The following MYRIP variants were observed in gnomAD, a reference collection of about 807,000 sequenced individuals.
MYRIP encodes the protein myosin VIIA and Rab interacting protein.
MYRIP carries 49 observed loss-of-function variants against 98.0 expected under a neutral mutation model. The observed-to-expected ratio is 0.50, with a 90% CI of 0.40 to 0.63. The LOEUF is 0.63. Ranked by LOEUF, MYRIP falls within the 30% of genes least tolerant of loss-of-function variation. The pLI, the probability that MYRIP is intolerant of heterozygous loss-of-function variation, is 0.00. For missense variants in MYRIP, 1,004 were observed against 1,058.2 expected (o/e 0.95, Z 0.71); for synonymous variants, 404 against 409.5 (o/e 0.99, Z 0.16).
intron 3 of MYRIP, among the ~76,000 whole-genome samples, chr3:40,143,373 G>A (rs1346285301): frequency 6.6e-6 from 1 of 152,108 alleles, no homozygotes; most frequent in East Asian, 1.9e-4. Flanking sequence ...GGACCAGGGA[G>A]CAGTACACTT....
At chr3:39,860,573 G>A (rs1251194987) in intron 1 of MYRIP, among the ~76,000 whole-genome samples, 5 of 152,132 alleles carry the variant, frequency 3.3e-5, no homozygotes, top group African/African-American at 1.2e-4. Context: ...GCACCTTCTT[G>A]TGGTACATCC....
At chr3:40,083,183 A>G (rs1053839520) in intron 3 of MYRIP, among the ~76,000 whole-genome samples, 1 of 152,230 alleles carries the variant, frequency 6.6e-6, no homozygotes, top group Non-Finnish European at 1.5e-5. Context: ...TGTGGGGCTC[A>G]TGGCCTAGAG....
chr3:39,915,097 C>T (rs1363135452), intron 2 of MYRIP, among the ~76,000 whole-genome samples: 1 of 152,034 alleles, frequency 6.6e-6, no homozygotes, highest in Admixed American at 6.6e-5. Flanking sequence ...ATTATTCTAA[C>T]TCGAGGAACT....
In MYRIP at chr3:40,146,421, C is replaced by G. The variant is rs115915621; in HGVS notation, c.333-4627C>G. 4.7e-3 allele frequency among the ~76,000 whole-genome samples: 714 copies of G among 152,290 alleles called. 6 individuals carry two copies. The highest frequency in any genetic ancestry group is 0.016 in the African/African-American group (662 of 41,568). On this transcript the variant is annotated intron_variant, in intron 3 of 16. Transcript: ENST00000302541. Reference sequence around the variant, plus strand: ...TTGTATGTACTGAAAGACACATGTGCTCAGGAAAACCCATTTGTGGCTTTT... The same window carrying G: ...TTGTATGTACTGAAAGACACATGTGGTCAGGAAAACCCATTTGTGGCTTTT...
At position 39,849,926 on chromosome 3, in the gene MYRIP, T is replaced by A. The variant is rs62261648; in HGVS notation, c.-31+40010T>A. Among the ~76,000 whole-genome samples the A allele has an allele frequency of 2.1e-3, 316 of 152,314 alleles. 1 individual carries two copies. The highest frequency in any genetic ancestry group is 2.8e-3 in the Non-Finnish European group (192 of 68,030). ...CCTCCCTCTAACAAACTTAAATGAC[T>A]AAGAGACAACTTTAAAAGTTCGGAT... On this transcript the variant is annotated intron_variant, in intron 1 of 16. Coordinates refer to ENST00000302541, the MANE Select transcript of MYRIP (RefSeq NM_015460.4).
chr3:40,154,646 C>A (rs1250901709), intron 4 of MYRIP, among the ~76,000 whole-genome samples: 1 of 152,076 alleles, frequency 6.6e-6, no homozygotes, highest in East Asian at 1.9e-4. Flanking sequence ...CACCTATCAA[C>A]CCATCACCTA....
intron 2 of MYRIP, among the ~76,000 whole-genome samples, chr3:40,025,009 C>T (rs1189304046): frequency 6.6e-6 from 1 of 152,184 alleles, no homozygotes; most frequent in Non-Finnish European, 1.5e-5. Flanking sequence ...GCTGATATCC[C>T]TTCTTTGCCA....
chr3:40,048,905 A>T (rs1486227363), intron 3 of MYRIP, among the ~76,000 whole-genome samples: 1 of 152,078 alleles, frequency 6.6e-6, no homozygotes, highest in Admixed American at 6.6e-5. Context: ...TCCCTTTGTC[A>T]TTTTTTCATT....
intron 12 of MYRIP, chr3:40,238,626 A>C (rs1952894797): frequency 6.6e-6 from 1 of 152,254 alleles, no homozygotes; most frequent in African/African-American, 2.4e-5. Flanking sequence ...AGCTCTGCCC[A>C]GTTACACTAG....
intron 8 of MYRIP, among the ~76,000 whole-genome samples, chr3:40,177,698 G>T (rs1223265798): frequency 1.3e-5 from 2 of 152,188 alleles, no homozygotes; most frequent in Non-Finnish European, 2.9e-5. Context: ...GAAGGCACCA[G>T]TGTGGGTGTT....
chr3:40,044,238 A>C lies in MYRIP; in HGVS notation c.299A>C (p.Lys100Thr), dbSNP rs78333608. 6.2e-7 allele frequency: 1 copy of C among 1,614,174 alleles called. No individual in the cohort carries two copies. Among genetic ancestry groups the C allele is most frequent in the South Asian group, 1.1e-5 (1 of 91,084 alleles). Residue 100 changes from lysine to threonine, a missense_variant, in exon 3 of 17, where the codon AAG (lysine) becomes ACG (threonine). By Grantham distance (78) the Lys-to-Thr change is moderately conservative. Around this residue, in one of 3 missense-constraint regions of MYRIP, gnomAD observed 880 missense variants for 907.7 expected, o/e 0.97. Coordinates refer to ENST00000302541, the MANE Select transcript of MYRIP (RefSeq NM_015460.4). ...KSCCSYQKHEKAWVCCVCQQA... is the reference protein window; with the variant it reads ...KSCCSYQKHETAWVCCVCQQA... ...TGCTGCTCCTACCAGAAGCACGAAAAGGCCTGGGTCTGCTGCGTCTGCCAG... is the reference window on the plus strand; with the variant it reads ...TGCTGCTCCTACCAGAAGCACGAAACGGCCTGGGTCTGCTGCGTCTGCCAG...
chr3:39,980,717 C>T (rs2125758376), intron 2 of MYRIP, among the ~76,000 whole-genome samples: 1 of 152,276 alleles, frequency 6.6e-6, no homozygotes, highest in South Asian at 2.1e-4. Flanking sequence ...GTTACCTTTT[C>T]TATTTAAACA....
intron 11 of MYRIP, among the ~76,000 whole-genome samples, chr3:40,221,444 G>A (rs754509570): frequency 2.6e-5 from 4 of 152,088 alleles, no homozygotes; most frequent in Admixed American, 1.3e-4. Flanking sequence ...CAGCTTGGGC[G>A]ATGTAGCAAG....
At chr3:39,875,084 C>T (rs1429152751) in intron 1 of MYRIP, among the ~76,000 whole-genome samples, 3 of 152,092 alleles carry the variant, frequency 2.0e-5, no homozygotes, top group Non-Finnish European at 1.5e-5. Flanking sequence ...GTGTATGTGT[C>T]CAGGAATTTA....
chr3:39,824,619 T>C (rs960939363), intron 1 of MYRIP, among the ~76,000 whole-genome samples: 9 of 152,160 alleles, frequency 5.9e-5, no homozygotes, highest in African/African-American at 1.4e-4. Flanking sequence ...TTTTATTTTT[T>C]GTAGCCATTG....
chr3:40,060,987 AT>A (rs1216092103), intron 3 of MYRIP, among the ~76,000 whole-genome samples: 2 of 152,180 alleles, frequency 1.3e-5, no homozygotes, highest in African/African-American at 4.8e-5. Context: ...GGATATGCAT[AT>A]TGATGTTGTT....
chr3:39,977,396 C>T (rs1212912432), intron 2 of MYRIP, among the ~76,000 whole-genome samples: 1 of 152,148 alleles, frequency 6.6e-6, no homozygotes, highest in Non-Finnish European at 1.5e-5. Flanking sequence ...TCACATGCCC[C>T]CCAGTTGACG....
intron 2 of MYRIP, among the ~76,000 whole-genome samples, chr3:39,919,765 G>T (rs1157420605): frequency 2.0e-5 from 3 of 151,262 alleles, no homozygotes; most frequent in African/African-American, 7.3e-5. Flanking sequence ...ATTGATGACT[G>T]TATTTTTAAT....
At chr3:40,126,608 A>G (rs1949530662) in intron 3 of MYRIP, among the ~76,000 whole-genome samples, 1 of 152,228 alleles carries the variant, frequency 6.6e-6, no homozygotes, top group Non-Finnish European at 1.5e-5. Context: ...CGTCATTTGT[A>G]TCTGAGGAAA....
Sources: gnomAD v4.1 joint callset for allele counts (sites outside exome capture counted in the v4.1 genomes callset) on GRCh38, gnomAD v4.1.1 for gene constraint, gnomAD v4.1.1 regional missense constraint, MANE v1.5 for transcripts, NCBI Gene and HGNC (gene_info 2026-07-23, HGNC 2026-07-21) for gene names.